CPQ: variants seen among roughly 807,000 people sequenced by gnomAD.
CPQ encodes the protein carboxypeptidase Q.
CPQ carries 37 observed loss-of-function variants against 45.7 expected under a neutral mutation model. That is an observed-to-expected ratio of 0.81 (90% confidence interval 0.62 to 1.07). The LOEUF is 1.07. CPQ is among the 50% of genes least tolerant of loss of function. CPQ has a pLI of 0.00. For synonymous variants in CPQ, 186 were observed against 205.8 expected, an observed-to-expected ratio of 0.90 and a Z score of 0.82; for missense variants, 537 against 572.9, an observed-to-expected ratio of 0.94 and a Z score of 0.64.
chr8:96,762,046 A>G, intron 1 of CPQ, among the ~76,000 whole-genome samples: 1 of 152,226 alleles, frequency 6.6e-6, no homozygotes, highest in East Asian at 1.9e-4. Context: ...ATATTTGCTC[A>G]ATAGCTATGC....
intron 4 of CPQ, among the ~76,000 whole-genome samples, chr8:96,912,270 T>C (rs940665248): frequency 2.0e-5 from 3 of 152,244 alleles, no homozygotes; most frequent in Non-Finnish European, 2.9e-5. Context: ...TCAAGTCTTA[T>C]AACATTAGTA....
intron 3 of CPQ, among the ~76,000 whole-genome samples, chr8:96,851,188 GT>G (rs1811766538): frequency 1.3e-5 from 2 of 152,266 alleles, no homozygotes; most frequent in Admixed American, 1.3e-4. Context: ...TGAAAAAAAG[GT>G]TTTTGATTAT....
intron 7 of CPQ, among the ~76,000 whole-genome samples, chr8:97,085,384 TAA>T (rs1382439302): frequency 7.0e-6 from 1 of 143,584 alleles, no homozygotes; most frequent in Non-Finnish European, 1.5e-5. Context: ...ACCCTGGCTC[TAA>T]AAAAAAAAAA....
chr8:96,815,201 AAG>A, intron 2 of CPQ, among the ~76,000 whole-genome samples: 1 of 152,084 alleles, frequency 6.6e-6, no homozygotes, highest in Non-Finnish European at 1.5e-5. Context: ...GTATTATAAA[AAG>A]AGAGAGAGAG....
chr8:97,084,361 T>G (rs1484918265), intron 7 of CPQ, among the ~76,000 whole-genome samples: 1 of 152,190 alleles, frequency 6.6e-6, no homozygotes, highest in Non-Finnish European at 1.5e-5. Context: ...ATCTTTTGCT[T>G]CTTTTATTTT....
At chr8:96,963,160 T>C (rs1460350689) in intron 4 of CPQ, among the ~76,000 whole-genome samples, 1 of 152,226 alleles carries the variant, frequency 6.6e-6, no homozygotes, top group Non-Finnish European at 1.5e-5. Flanking sequence ...AATAATAGCT[T>C]CCTTGACTTA....
intron 5 of CPQ, among the ~76,000 whole-genome samples, chr8:97,020,121 AATGATC>A (rs1415909414): frequency 6.6e-6 from 1 of 152,164 alleles, no homozygotes; most frequent in African/African-American, 2.4e-5. Flanking sequence ...ACTGCTCCTG[AATGATC>A]ATTGGGTCAA....
At chr8:97,036,669 A>G (rs907541709) in intron 6 of CPQ, among the ~76,000 whole-genome samples, 6 of 152,188 alleles carry the variant, frequency 3.9e-5, no homozygotes, top group Admixed American at 2.6e-4. Context: ...TGGACAAAGG[A>G]GAAAAAACAT....
At chr8:96,651,548 G>A (rs547245775) in intron 1 of CPQ, among the ~76,000 whole-genome samples, 7 of 152,162 alleles carry the variant, frequency 4.6e-5, no homozygotes, top group African/African-American at 1.4e-4. Context: ...AGAAATAAGC[G>A]AAGCTATTTG....
intron 1 of CPQ, among the ~76,000 whole-genome samples, chr8:96,652,789 T>C (rs955022666): frequency 2.0e-5 from 3 of 152,070 alleles, no homozygotes; most frequent in South Asian, 2.1e-4. Flanking sequence ...CCCGCCACCA[T>C]GCCCGGCTAA....
In CPQ at chr8:96,783,260, AGTGT is replaced by A. The variant is rs71267280; in HGVS notation, c.-34-1582_-34-1579del. On this transcript the variant is annotated intron_variant, in intron 1 of 7. Coordinates refer to ENST00000220763, the MANE Select transcript of CPQ (RefSeq NM_016134.4). ...TACCAATTTTTGTCTTAGTTGTGTGAGTGTGTGTGTGTGTGTGTGTGTGTGCTGC... is the reference window on the plus strand; with the variant it reads ...TACCAATTTTTGTCTTAGTTGTGTGAGTGTGTGTGTGTGTGTGTGTGCTGC... 2.8e-4 allele frequency among the ~76,000 whole-genome samples: 42 copies of A among 147,960 alleles called. 1 individual carries two copies. Among genetic ancestry groups the A allele is most frequent in the Admixed American group, 4.1e-4 (6 of 14,712 alleles).
chr8:97,090,317 A>G (rs1431040900), intron 7 of CPQ, among the ~76,000 whole-genome samples: 13 of 152,212 alleles, frequency 8.5e-5, no homozygotes, highest in Admixed American at 8.5e-4. Context: ...TCGAGGCACT[A>G]CCTGTAAAAA....
At chr8:97,103,093 G>A (rs929287808) in intron 7 of CPQ, among the ~76,000 whole-genome samples, 2 of 152,044 alleles carry the variant, frequency 1.3e-5, no homozygotes, top group East Asian at 1.9e-4. Flanking sequence ...GTTTCCTCTT[G>A]TAGGGATCAT....
At chr8:97,055,966 TG>T (rs1182913108) in intron 6 of CPQ, among the ~76,000 whole-genome samples, 2 of 152,048 alleles carry the variant, frequency 1.3e-5, no homozygotes, top group Non-Finnish European at 2.9e-5. Context: ...CTGGGCGTGG[TG>T]GTGCACCTGT....
At chr8:96,920,606 T>C (rs979798197) in intron 4 of CPQ, among the ~76,000 whole-genome samples, 3 of 152,094 alleles carry the variant, frequency 2.0e-5, no homozygotes, top group Non-Finnish European at 4.4e-5. Flanking sequence ...ACACATACCC[T>C]AACCCCTAGT....
At chr8:96,741,274 A>G (rs979937809) in intron 1 of CPQ, among the ~76,000 whole-genome samples, 12 of 152,160 alleles carry the variant, frequency 7.9e-5, no homozygotes, top group African/African-American at 2.9e-4. Context: ...AGGTGTTTGT[A>G]GTATTCTCTG....
At chr8:97,112,864 C>T (rs550818791) in intron 7 of CPQ, among the ~76,000 whole-genome samples, 3 of 152,338 alleles carry the variant, frequency 2.0e-5, no homozygotes, top group African/African-American at 7.2e-5. Context: ...AGGCTTGCGC[C>T]TCTGGGATAA....
chr8:97,068,750 G>GTACCTCCTTC (rs1256262197), intron 7 of CPQ, among the ~76,000 whole-genome samples: 7 of 152,216 alleles, frequency 4.6e-5, no homozygotes, highest in Non-Finnish European at 4.4e-5. Flanking sequence ...ACCATCCTAT[G>GTACCTCCTTC]AAGGAGGTAC....
intron 6 of CPQ, among the ~76,000 whole-genome samples, chr8:97,047,189 C>G (rs949754919): frequency 6.6e-6 from 1 of 152,190 alleles, no homozygotes; most frequent in African/African-American, 2.4e-5. Context: ...AGACCATGTA[C>G]TGTTTTCCTT....
Sources: gnomAD v4.1 joint callset for allele counts (sites outside exome capture counted in the v4.1 genomes callset) on GRCh38, gnomAD v4.1.1 for gene constraint, MANE v1.5 for transcripts, NCBI Gene and HGNC (gene_info 2026-07-23, HGNC 2026-07-21) for gene names.